SNAP91: variants seen among roughly 807,000 people sequenced by gnomAD.
SNAP91 encodes the protein clathrin coat assembly protein AP180.
SNAP91 carries 27 observed loss-of-function variants against 100.3 expected under a neutral mutation model. The observed-to-expected ratio is 0.27, with a 90% CI of 0.20 to 0.37. SNAP91 has a LOEUF of 0.37. Among genes scored for constraint, SNAP91 ranks in the 10% least tolerant of loss-of-function variants. SNAP91 has a pLI of 1.00. For missense variants in SNAP91, 986 were observed against 1,123.7 expected (o/e 0.88, Z 1.75); for synonymous variants, 404 against 398.6 (o/e 1.01, Z -0.16).
intron 22 of SNAP91, among the ~76,000 whole-genome samples, chr6:83,583,781 G>A (rs999757589): frequency 2.6e-5 from 4 of 152,108 alleles, no homozygotes; most frequent in Admixed American, 2.0e-4. Context: ...TTATAATTTT[G>A]AAAGTGATTT....
chr6:83,671,551 CTGTTACT>C (rs1274514879), intron 2 of SNAP91, among the ~76,000 whole-genome samples: 1 of 152,056 alleles, frequency 6.6e-6, no homozygotes, highest in Non-Finnish European at 1.5e-5. Context: ...CAATCTCACT[CTGTTACT>C]TGTTACCCCA....
intron 22 of SNAP91, among the ~76,000 whole-genome samples, chr6:83,590,766 T>C (rs1019316247): frequency 2.0e-5 from 3 of 152,092 alleles, no homozygotes; most frequent in Admixed American, 2.0e-4. Flanking sequence ...CTTTAAATAA[T>C]TTAAAGGAAA....
chr6:83,657,034 T>C (rs892135413), intron 6 of SNAP91, among the ~76,000 whole-genome samples, 169 bp from the exon 7 acceptor site: 1 of 152,192 alleles, frequency 6.6e-6, no homozygotes, highest in Non-Finnish European at 1.5e-5. Context: ...TACATATGTT[T>C]TTGCTTCAAT....
At chr6:83,601,629 G>A in intron 14 of SNAP91, 30 bp from the exon 15 acceptor site, 2 of 1,609,168 alleles carry the variant, frequency 1.2e-6, no homozygotes, top group African/African-American at 2.7e-5. Flanking sequence ...GGCAGCATAA[G>A]AATAAATAAG....
At position 83,688,003 on chromosome 6, in the gene SNAP91, G is replaced by A. The variant is rs2099083217; in HGVS notation, c.130+19795C>T. On this transcript the variant is annotated intron_variant, in intron 2 of 29. Transcript: ENST00000369694. The stretch of plus-strand genomic sequence containing the variant: ...ACACGGGTTCAATCCTGGATGTGTT[G>A]AGCGTGAGATATCTAAAAATATTTT... 2.0e-5 allele frequency among the ~76,000 whole-genome samples: 3 copies of A among 152,074 alleles called. No individual in the cohort carries two copies. In the South Asian group the frequency reaches 6.2e-4, roughly 32 times the overall value.
At chr6:83,574,303 TG>T (rs2128068556) in intron 26 of SNAP91, among the ~76,000 whole-genome samples, 1 of 152,348 alleles carries the variant, frequency 6.6e-6, no homozygotes, top group South Asian at 2.1e-4. Context: ...ACGTTCTTTT[TG>T]TGTCAGCAAA....
chr6:83,667,741 C>G (rs2098713051), intron 2 of SNAP91, among the ~76,000 whole-genome samples: 1 of 152,058 alleles, frequency 6.6e-6, no homozygotes, highest in East Asian at 1.9e-4. Context: ...CACCCATTAA[C>G]TCGTCATGTA....
At chr6:83,704,973 C>T (rs1409492646) in intron 2 of SNAP91, among the ~76,000 whole-genome samples, 1 of 152,116 alleles carries the variant, frequency 6.6e-6, no homozygotes, top group Non-Finnish European at 1.5e-5. Flanking sequence ...TTACTGAAAA[C>T]CTGTGAATAA....
intron 11 of SNAP91, among the ~76,000 whole-genome samples, chr6:83,613,511 C>T (rs1440347464): frequency 6.6e-6 from 1 of 152,226 alleles, no homozygotes; most frequent in Non-Finnish European, 1.5e-5. Flanking sequence ...ACCAGAGGTG[C>T]TCCAATGGGG....
intron 2 of SNAP91, chr6:83,686,698 T>C (rs2099066254): frequency 6.6e-6 from 1 of 152,228 alleles, no homozygotes; most frequent in Non-Finnish European, 1.5e-5. Context: ...TCCATTTGGA[T>C]TAACAGAATG....
At chr6:83,607,953 T>G (rs1327468325) in intron 12 of SNAP91, 145 bp from the exon 13 acceptor site, 1 of 431,600 alleles carries the variant, frequency 2.3e-6, no homozygotes, top group East Asian at 3.5e-5. Flanking sequence ...CTCAATAAAA[T>G]TTGAAATCAA....
At chr6:83,620,848 A>G (rs1745863115) in intron 9 of SNAP91, among the ~76,000 whole-genome samples, 1 of 151,780 alleles carries the variant, frequency 6.6e-6, no homozygotes, top group Admixed American at 6.6e-5. Flanking sequence ...AGTAGCCGGG[A>G]CTACAGGCAC....
intron 10 of SNAP91, among the ~76,000 whole-genome samples, chr6:83,616,559 G>C (rs1168476549): frequency 6.6e-6 from 1 of 152,076 alleles, no homozygotes; most frequent in Non-Finnish European, 1.5e-5. Context: ...CTATACTTGA[G>C]GGCTTTTCTT....
intron 11 of SNAP91, among the ~76,000 whole-genome samples, chr6:83,613,660 G>A (rs1044482578): frequency 1.3e-5 from 2 of 152,164 alleles, no homozygotes; most frequent in African/African-American, 4.8e-5. Context: ...ATGCCCCTCA[G>A]AGCCTATGCT....
At chr6:83,558,766 G>T (rs1782652849) in intron 28 of SNAP91, among the ~76,000 whole-genome samples, 1 of 152,166 alleles carries the variant, frequency 6.6e-6, no homozygotes, top group Non-Finnish European at 1.5e-5. Context: ...TGAGCTATTT[G>T]CTCTAGTTTG....
At chr6:83,682,543 G>A (rs181140971) in intron 2 of SNAP91, among the ~76,000 whole-genome samples, 1 of 151,522 alleles carries the variant, frequency 6.6e-6, no homozygotes, top group East Asian at 1.9e-4. Context: ...ATTATACCCT[G>A]TCCACTGTAT....
intron 7 of SNAP91, among the ~76,000 whole-genome samples, chr6:83,651,378 T>A (rs217314): frequency 6.6e-6 from 1 of 152,020 alleles, no homozygotes; most frequent in African/African-American, 2.4e-5. Flanking sequence ...TATATGCATT[T>A]GATACTACAA....
At position 83,682,954 on chromosome 6, in the gene SNAP91, G is replaced by A. The variant is rs566396451; in HGVS notation, c.131-17373C>T. ...CTTGGGACATCATTATAACCAGCTA[G>A]CCTCTGGAAGCCTCTACCATATGAC... On this transcript the variant is annotated intron_variant, in intron 2 of 29. Coordinates refer to ENST00000369694, the MANE Select transcript of SNAP91 (RefSeq NM_001242792.2). Among the ~76,000 whole-genome samples the A allele has an allele frequency of 2.2e-4, 33 of 151,944 alleles. 1 individual carries two copies. In the East Asian group the frequency reaches 6.2e-3, roughly 29 times the overall value.
chr6:83,692,592 A>C (rs1054060618), intron 2 of SNAP91, among the ~76,000 whole-genome samples: 1 of 152,142 alleles, frequency 6.6e-6, no homozygotes, highest in African/African-American at 2.4e-5. Context: ...GGTCTAAAGA[A>C]ATTAAATTAA....
Sources: allele counts gnomAD v4.1 joint callset (sites outside exome capture counted in the v4.1 genomes callset), GRCh38; gene constraint gnomAD v4.1.1; transcripts MANE v1.5; gene names NCBI Gene and HGNC (gene_info 2026-07-23, HGNC 2026-07-21).